Variants in TGFBRAP1 observed in about 807,000 individuals in gnomAD.
TGFBRAP1 encodes transforming growth factor beta receptor associated protein 1.
A neutral mutation model predicts 83.2 loss-of-function variants in TGFBRAP1; 20 were observed. The ratio of observed to expected loss-of-function variants is 0.24; its 90% CI spans 0.17 to 0.35. The LOEUF is 0.35. Among genes scored for constraint, TGFBRAP1 ranks in the 10% least tolerant of loss-of-function variants. TGFBRAP1 has a pLI of 1.00. For synonymous variants in TGFBRAP1, 415 were observed against 459.8 expected (o/e 0.90, Z 1.25); for missense variants, 950 against 1,099.4 (o/e 0.86, Z 1.92).
chr2:105,269,261 C>A lies in TGFBRAP1; in HGVS notation c.2406+11G>T. 1 of 1,580,708 alleles carries A rather than the reference C, an allele frequency of 6.3e-7. No individual in the cohort carries two copies. Among genetic ancestry groups the A allele is most frequent in the Non-Finnish European group, 8.6e-7 (1 of 1,156,352 alleles). On this transcript the variant is annotated intron_variant, in intron 11 of 11. Coordinates refer to ENST00000393359, the MANE Select transcript of TGFBRAP1 (RefSeq NM_004257.6). This position sits in a 1 kb window ranked among gnomAD's most constrained non-coding sequence, Gnocchi z 4.1. ...CTGACCAGGAAGCAGCTCGTGGGGGCCAGCACTTACCTTATCGTAGGTGTA... is the reference window on the plus strand; with the variant it reads ...CTGACCAGGAAGCAGCTCGTGGGGGACAGCACTTACCTTATCGTAGGTGTA...
At chr2:105,296,756 C>CTTTTTTTTTTTTTTT (rs60031957) in intron 3 of TGFBRAP1, among the ~76,000 whole-genome samples, 1 of 73,226 alleles carries the variant, frequency 1.4e-5, no homozygotes, top group Non-Finnish European at 2.6e-5. Context: ...CTTTTTTTGC[C>CTTTTTTTTTTTTTTT]TTTTTTTTTT....
At chr2:105,286,459 T>G (rs1317713692) in intron 4 of TGFBRAP1, among the ~76,000 whole-genome samples, 2 of 152,132 alleles carry the variant, frequency 1.3e-5, no homozygotes, top group Non-Finnish European at 2.9e-5. Flanking sequence ...TGGAGCCAGG[T>G]AGGCTGTCAG....
At chr2:105,314,146 A>AAGG (rs1678777816) in intron 1 of TGFBRAP1, among the ~76,000 whole-genome samples, 1 of 152,170 alleles carries the variant, frequency 6.6e-6, no homozygotes, top group Non-Finnish European at 1.5e-5. Context: ...TCTATAAGCT[A>AAGG]AGGAATGTCT....
In TGFBRAP1 at chr2:105,269,364, C is replaced by G. The variant is rs748548274; in HGVS notation, c.2314G>C (p.Gly772Arg). 3.7e-6 allele frequency: 6 copies of G among 1,614,010 alleles called. No individual in the cohort carries two copies. In the South Asian group the frequency reaches 4.4e-5, roughly 12 times the overall value. ...GCATGGATGCTGTCCCTCATGGCCC[C>G]CATCAGGAATGGGCAGAGGAGCTGC... ...SVQLLCPFLMGAMRDSIHARR... is the reference protein window; with the variant it reads ...SVQLLCPFLMRAMRDSIHARR... The change falls in exon 11 of 12, where the codon GGG (glycine) becomes CGG (arginine). Residue 772 changes from glycine (G) to arginine (R), a missense_variant. Physicochemically the swap from Gly to Arg is moderately radical, Grantham distance 125. Transcript: ENST00000393359. The surrounding 1 kb of genome is among the most constrained non-coding windows in gnomAD (Gnocchi z 4.1).
At chr2:105,299,000 C>T (rs1288096533) in intron 2 of TGFBRAP1, among the ~76,000 whole-genome samples, 3 of 152,130 alleles carry the variant, frequency 2.0e-5, no homozygotes, top group East Asian at 1.9e-4. Context: ...TAAAATAGGC[C>T]GGACGTGGTG....
chr2:105,278,012 T>C (rs149060445), intron 6 of TGFBRAP1, among the ~76,000 whole-genome samples: 3 of 151,966 alleles, frequency 2.0e-5, no homozygotes, highest in Non-Finnish European at 2.9e-5. Context: ...TGAGCCCTGA[T>C]TGTGCCACTG....
At chr2:105,320,509 G>A (rs1400735702) in intron 1 of TGFBRAP1, among the ~76,000 whole-genome samples, 2 of 152,004 alleles carry the variant, frequency 1.3e-5, no homozygotes, top group Admixed American at 1.3e-4. Flanking sequence ...AAAGGAGGCA[G>A]GAATGTGGGC....
At chr2:105,298,824 T>A in intron 2 of TGFBRAP1, 119 bp from the exon 3 acceptor site, 1 of 903,060 alleles carries the variant, frequency 1.1e-6, no homozygotes, top group Non-Finnish European at 1.6e-6. Flanking sequence ...TACAGTCTTA[T>A]ATTTCAAGGA....
chr2:105,295,654 T>C (rs1010595334), intron 4 of TGFBRAP1, among the ~76,000 whole-genome samples: 1 of 151,614 alleles, frequency 6.6e-6, no homozygotes, highest in Admixed American at 6.6e-5. Context: ...CTATTAAAAA[T>C]ACAAAAATTT....
At chr2:105,316,420 A>AGTGTGTGTGTGT (rs71393002) in intron 1 of TGFBRAP1, among the ~76,000 whole-genome samples, 138 of 109,090 alleles carry the variant, frequency 1.3e-3, no homozygotes, top group Middle Eastern at 4.8e-3. Flanking sequence ...AGGTATAGGG[A>AGTGTGTGTGTGT]GTGTGTGTGT....
intron 10 of TGFBRAP1, among the ~76,000 whole-genome samples, chr2:105,271,614 C>T (rs940205072): frequency 6.6e-6 from 1 of 152,158 alleles, no homozygotes; most frequent in East Asian, 1.9e-4. Flanking sequence ...GGCTTCAGTG[C>T]ACTCTTCTGT....
At chr2:105,262,397 T>C (rs1030811136), downstream of TGFBRAP1, among the ~76,000 whole-genome samples, 1 of 152,174 alleles carries the variant, frequency 6.6e-6, no homozygotes, top group Non-Finnish European at 1.5e-5. Context: ...TGCCATGTGA[T>C]GCATCTGCTC....
intron 3 of TGFBRAP1, among the ~76,000 whole-genome samples, chr2:105,297,671 T>C (rs1286647443): frequency 6.6e-6 from 1 of 152,262 alleles, no homozygotes; most frequent in Non-Finnish European, 1.5e-5. Context: ...TGGGGAAATC[T>C]GAATATTGGC....
chr2:105,262,515 T>C (rs6736345), downstream of TGFBRAP1, among the ~76,000 whole-genome samples: 20,088 of 152,194 alleles, frequency 0.13, 1,672 homozygotes, highest in Non-Finnish European at 0.19. Flanking sequence ...AAACAAACCT[T>C]TTCTTTATAA....
rs369009120 is a variant in TGFBRAP1 at position 105,280,624 on chromosome 2, G to A, written c.1221C>T (p.Tyr407=). ...CCTGGGTCAGCTGGTTCAGGTCTGC[G>A]TACTCATGAAGAGGAGGGTGGGACC... The part of the protein sequence containing the change: ...FTRSHPPLHE[Y]ADLNQLTQGD... Residue 407 remains tyrosine (Y), a synonymous_variant, in exon 6 of 12, where the codon TAC becomes TAT. Transcript: ENST00000393359. The A allele has an allele frequency of 6.3e-5, 101 of 1,614,018 alleles. No homozygotes were observed. The highest frequency in any genetic ancestry group is 2.9e-4 in the South Asian group (26 of 91,072).
intron 2 of TGFBRAP1, among the ~76,000 whole-genome samples, chr2:105,302,726 AT>A (rs1276395260): frequency 6.6e-6 from 1 of 152,220 alleles, no homozygotes; most frequent in Non-Finnish European, 1.5e-5. Flanking sequence ...ATCTTGCTGT[AT>A]CCGTCTGTCT....
chr2:105,302,977 T>C (rs967698513), intron 2 of TGFBRAP1, among the ~76,000 whole-genome samples: 4 of 152,256 alleles, frequency 2.6e-5, no homozygotes, highest in African/African-American at 4.8e-5. Flanking sequence ...GCGGTAGTGC[T>C]GGTCCTGTTA....
intron 1 of TGFBRAP1, among the ~76,000 whole-genome samples, chr2:105,327,884 A>G (rs968939204): frequency 6.6e-6 from 1 of 152,236 alleles, no homozygotes; most frequent in South Asian, 2.1e-4. Flanking sequence ...CAATTGTGTA[A>G]TGCAAACCTT....
At chr2:105,282,625 G>A (rs1456409213) in intron 5 of TGFBRAP1, among the ~76,000 whole-genome samples, 1 of 152,080 alleles carries the variant, frequency 6.6e-6, no homozygotes, top group African/African-American at 2.4e-5. Flanking sequence ...ACGAGTTTGA[G>A]ACCAGCCTGG....
Sources: gnomAD v4.1 joint callset for allele counts (sites outside exome capture counted in the v4.1 genomes callset) on GRCh38, gnomAD v4.1.1 for gene constraint, Gnocchi (gnomAD v3.1) non-coding constraint, MANE v1.5 for transcripts, NCBI Gene and HGNC (gene_info 2026-07-23, HGNC 2026-07-21) for gene names.